The following GFPT2 variants were observed in gnomAD, a reference collection of about 807,000 sequenced individuals.
GFPT2 encodes glutamine--fructose-6-phosphate aminotransferase [isomerizing] 2.
Under a neutral mutation model 85.6 loss-of-function variants are expected in GFPT2, and 62 were observed. The observed-to-expected ratio is 0.72, with a 90% CI of 0.59 to 0.90. The LOEUF (loss-of-function observed/expected upper bound fraction) is 0.90, where lower values mean the gene tolerates loss of function less well. Ranked by LOEUF, GFPT2 falls within the 40% of genes least tolerant of loss-of-function variation. The pLI, the probability that GFPT2 is intolerant of heterozygous loss-of-function variation, is 0.00. For missense variants in GFPT2, 788 were observed against 893.4 expected (o/e 0.88, Z 1.50); for synonymous variants, 368 against 344.5 (o/e 1.07, Z -0.75).
chr5:180,353,197 G>C lies in GFPT2; in HGVS notation c.7+14C>G. The C allele has an allele frequency of 8.1e-7, 1 of 1,236,290 alleles. No individual in the cohort carries two copies. The highest frequency in any genetic ancestry group is 1.0e-6 in the Non-Finnish European group (1 of 987,698). The allele number at this position is 1,236,290 out of a possible 1,614,324, so 76.6% of individuals were successfully genotyped here. Reference sequence around the variant, plus strand: ...CGGCGTGGAGGAGGCGGCTCGGGCGGGCGCGGCACTCACCGCACATCGTGG... The same window carrying C: ...CGGCGTGGAGGAGGCGGCTCGGGCGCGCGCGGCACTCACCGCACATCGTGG... On this transcript the variant is annotated intron_variant, in intron 1 of 18. Transcript: ENST00000253778.
At chr5:180,313,292 A>G (rs1295941733) in intron 14 of GFPT2, among the ~76,000 whole-genome samples, 1 of 151,948 alleles carries the variant, frequency 6.6e-6, no homozygotes, top group African/African-American at 2.4e-5. Flanking sequence ...ATAAAATGAG[A>G]CTAAATGAAG....
chr5:180,309,772 C>A (rs947087214), intron 15 of GFPT2, among the ~76,000 whole-genome samples: 1 of 151,836 alleles, frequency 6.6e-6, no homozygotes, highest in African/African-American at 2.4e-5. Flanking sequence ...CAAAGAGTTG[C>A]AATTTACAGA....
intron 15 of GFPT2, among the ~76,000 whole-genome samples, chr5:180,311,139 T>G (rs1295842913): frequency 2.6e-5 from 4 of 152,218 alleles, no homozygotes; most frequent in African/African-American, 7.2e-5. Flanking sequence ...GGTTTGGCCC[T>G]GGCTCCCAGG....
intron 1 of GFPT2, among the ~76,000 whole-genome samples, chr5:180,339,154 T>A (rs1225555591): frequency 1.3e-5 from 2 of 151,892 alleles, no homozygotes; most frequent in African/African-American, 4.8e-5. Context: ...CCGAGGTGGG[T>A]GGATCACCTG....
At chr5:180,302,158 G>T (rs1198684807) in intron 18 of GFPT2, among the ~76,000 whole-genome samples, 1 of 150,602 alleles carries the variant, frequency 6.6e-6, no homozygotes, top group African/African-American at 2.4e-5. Context: ...ATGGTGGCGG[G>T]TGCTTGTAGT....
chr5:180,335,458 G>C (rs975222873), intron 4 of GFPT2, among the ~76,000 whole-genome samples: 1 of 152,202 alleles, frequency 6.6e-6, no homozygotes. Flanking sequence ...TTGCCTGAAG[G>C]GTACACCCTT....
intron 1 of GFPT2, among the ~76,000 whole-genome samples, chr5:180,350,288 A>T (rs921847503): frequency 2.6e-5 from 4 of 152,248 alleles, no homozygotes; most frequent in African/African-American, 9.6e-5. Context: ...TTTTGTCAAG[A>T]GAAGCCAAAA....
At chr5:180,314,113 G>A in intron 13 of GFPT2, 149 bp from the exon 14 acceptor site, 1 of 695,052 alleles carries the variant, frequency 1.4e-6, no homozygotes, top group Non-Finnish European at 2.3e-6. Context: ...TCGCTCAACA[G>A]CCTTTTCGGT....
chr5:180,336,679 G>A (rs533938328), intron 2 of GFPT2, 102 bp from the exon 3 acceptor site: 34 of 790,832 alleles, frequency 4.3e-5, no homozygotes, highest in Admixed American at 3.0e-4. Context: ...CGGGCTGTCC[G>A]TTTATGGCAG....
chr5:180,335,490 G>C (rs1467959366), intron 4 of GFPT2, among the ~76,000 whole-genome samples: 1 of 152,210 alleles, frequency 6.6e-6, no homozygotes, highest in African/African-American at 2.4e-5. Flanking sequence ...CCGTCACTTG[G>C]GGAGGAACAG....
chr5:180,321,742 CAAATA>C (rs1764124107), intron 9 of GFPT2, among the ~76,000 whole-genome samples: 1 of 150,880 alleles, frequency 6.6e-6, no homozygotes, highest in Non-Finnish European at 1.5e-5. Flanking sequence ...AAGGCATAAA[CAAATA>C]AAATAATATG....
At chr5:180,310,012 A>G (rs2386859) in intron 15 of GFPT2, among the ~76,000 whole-genome samples, 99,488 of 151,048 alleles carry the variant, frequency 0.66, 33,150 homozygotes, top group East Asian at 0.84. Flanking sequence ...GGGTTTCACC[A>G]TGTTAGCCAG....
intron 14 of GFPT2, among the ~76,000 whole-genome samples, chr5:180,313,099 G>A (rs567845168): frequency 3.3e-5 from 5 of 151,570 alleles, no homozygotes; most frequent in South Asian, 2.1e-4. Context: ...TTGAAGGGAC[G>A]GGGTTGCCCG....
intron 18 of GFPT2, among the ~76,000 whole-genome samples, chr5:180,301,967 GGGAA>G (rs1340777422): frequency 6.6e-6 from 1 of 150,892 alleles, no homozygotes; most frequent in East Asian, 2.0e-4. Flanking sequence ...AGGGTGGAGT[GGGAA>G]GGAAAGGTAG....
At chr5:180,307,146 T>C (rs1295000244) in intron 16 of GFPT2, 30 bp downstream of exon 16, 1 of 539,452 alleles carries the variant, frequency 1.9e-6, no homozygotes, top group African/African-American at 2.6e-5. Context: ...CTGTCCTCCG[T>C]GGGGGTGGGG....
Position 180,330,834 on chromosome 5 carries a change from C to T in GFPT2, c.400G>A (p.Glu134Lys), listed in dbSNP as rs1764288438. The T allele has an allele frequency of 6.2e-7, 1 of 1,613,956 alleles. No individual in the cohort carries two copies. Among genetic ancestry groups the T allele is most frequent in the Non-Finnish European group, 8.5e-7 (1 of 1,179,838 alleles). ...TNYKDLRKFL[E>K]SKGYEFESET... is the part of the protein sequence containing the mutation. The stretch of plus-strand genomic sequence containing the variant: ...GACTCAAACTCGTAGCCTTTGCTTT[C>T]CTGGAATATGCAGTCGGCACAGTGT... The change falls in exon 6 of 19, where the codon GAA becomes AAA. Residue 134 changes from glutamate (E) to lysine (K), a missense_variant and splice_region_variant. Coordinates refer to ENST00000253778, the MANE Select transcript of GFPT2 (RefSeq NM_005110.4). The surrounding 1 kb of genome is among the most constrained non-coding windows in gnomAD (Gnocchi z 4.4).
intron 16 of GFPT2, among the ~76,000 whole-genome samples, chr5:180,305,493 G>A (rs552977604): frequency 3.9e-4 from 59 of 152,280 alleles, no homozygotes; most frequent in Middle Eastern, 3.4e-3. Flanking sequence ...TTGAAATGGT[G>A]AGACAGTCAA....
chr5:180,352,371 C>T (rs1410406986), intron 1 of GFPT2: 5 of 446,628 alleles, frequency 1.1e-5, no homozygotes, highest in Middle Eastern at 3.4e-4. Flanking sequence ...AGCACAGTGA[C>T]CTTTTGTCCC....
chr5:180,332,938 T>G (rs1475274124), intron 4 of GFPT2, among the ~76,000 whole-genome samples: 1 of 152,222 alleles, frequency 6.6e-6, no homozygotes, highest in Non-Finnish European at 1.5e-5. Context: ...TCTTTTCCAT[T>G]ATTCTTTTTC....
Sources: gnomAD v4.1 joint callset for allele counts (sites outside exome capture counted in the v4.1 genomes callset) on GRCh38, gnomAD v4.1.1 for gene constraint, Gnocchi (gnomAD v3.1) non-coding constraint, MANE v1.5 for transcripts, NCBI Gene and HGNC (gene_info 2026-07-23, HGNC 2026-07-21) for gene names.